ROBO1: variants seen among roughly 807,000 people sequenced by gnomAD.
ROBO1 encodes roundabout guidance receptor 1.
ROBO1 carries 149 observed loss-of-function variants against 195.9 expected under a neutral mutation model. The observed-to-expected ratio is 0.76, with a 90% CI of 0.67 to 0.87. The LOEUF (loss-of-function observed/expected upper bound fraction) is 0.87. ROBO1 is among the 40% of genes least tolerant of loss of function. ROBO1 has a pLI of 0.00. For missense variants in ROBO1, 1,933 were observed against 2,068.3 expected (o/e 0.93, Z 1.27); for synonymous variants, 816 against 733.2 (o/e 1.11, Z -1.82).
intron 28 of ROBO1, among the ~76,000 whole-genome samples, chr3:78,611,456 C>A (rs1703804387): frequency 6.6e-6 from 1 of 152,156 alleles, no homozygotes; most frequent in African/African-American, 2.4e-5. Flanking sequence ...ATTCATATAT[C>A]CTAATCCTAC....
At chr3:79,185,745 G>T (rs2081426480) in intron 2 of ROBO1, among the ~76,000 whole-genome samples, 1 of 151,994 alleles carries the variant, frequency 6.6e-6, no homozygotes, top group Admixed American at 6.6e-5. Context: ...TGGCCTTTTA[G>T]GTTGGCCATC....
At chr3:79,754,666 C>T (rs906461350) in intron 1 of ROBO1, among the ~76,000 whole-genome samples, 5 of 152,126 alleles carry the variant, frequency 3.3e-5, no homozygotes, top group African/African-American at 4.8e-5. Context: ...ATATAAAGTG[C>T]CTGGACCGCA....
chr3:78,857,968 A>C (rs1416290091), intron 4 of ROBO1, among the ~76,000 whole-genome samples: 1 of 152,170 alleles, frequency 6.6e-6, no homozygotes, highest in African/African-American at 2.4e-5. Flanking sequence ...CAAGGTCATC[A>C]CTCTGACAAA....
intron 2 of ROBO1, among the ~76,000 whole-genome samples, chr3:79,163,351 T>TCA (rs1484938665): frequency 6.6e-6 from 1 of 152,160 alleles, no homozygotes; most frequent in Non-Finnish European, 1.5e-5. Flanking sequence ...GCAGCATGTG[T>TCA]CAGAATCCCC....
At chr3:79,643,627 T>C (rs1385615709) in intron 1 of ROBO1, among the ~76,000 whole-genome samples, 1 of 152,184 alleles carries the variant, frequency 6.6e-6, no homozygotes, top group African/African-American at 2.4e-5. Context: ...TTCTTTTCTT[T>C]GTGATCTAAG....
At chr3:79,107,260 G>T (rs145820147) in intron 3 of ROBO1, among the ~76,000 whole-genome samples, 115 of 151,478 alleles carry the variant, frequency 7.6e-4, no homozygotes, top group African/African-American at 2.6e-3. Flanking sequence ...AGAGTGTTCA[G>T]GTAATTTTTA....
intron 2 of ROBO1, among the ~76,000 whole-genome samples, chr3:79,503,180 AGC>A (rs1405776826): frequency 6.6e-6 from 1 of 152,150 alleles, no homozygotes; most frequent in Non-Finnish European, 1.5e-5. Flanking sequence ...TCACTTCTGA[AGC>A]CAGCGAGACT....
At chr3:78,754,401 A>G (rs547200537) in intron 4 of ROBO1, among the ~76,000 whole-genome samples, 5 of 152,324 alleles carry the variant, frequency 3.3e-5, no homozygotes, top group African/African-American at 4.8e-5. Context: ...TTAGGGCAAG[A>G]CAAGCATGCA....
At chr3:79,008,084 T>C (rs1415573231) in intron 3 of ROBO1, among the ~76,000 whole-genome samples, 4 of 152,200 alleles carry the variant, frequency 2.6e-5, no homozygotes, top group South Asian at 4.1e-4. Flanking sequence ...TCAGCACTGT[T>C]TGGGAACCTA....
chr3:78,715,250 A>G (rs576607717), intron 7 of ROBO1: 1 of 152,330 alleles, frequency 6.6e-6, no homozygotes, highest in African/African-American at 2.4e-5. Context: ...CCTAATATTT[A>G]ATGTATTAAA....
chr3:78,955,333 A>T (rs901665019), intron 3 of ROBO1, among the ~76,000 whole-genome samples: 1 of 152,034 alleles, frequency 6.6e-6, no homozygotes, highest in Non-Finnish European at 1.5e-5. Context: ...GGTACCTGAC[A>T]TGTATTTTTT....
At chr3:79,188,496 T>A (rs979140995) in intron 2 of ROBO1, among the ~76,000 whole-genome samples, 2 of 151,808 alleles carry the variant, frequency 1.3e-5, no homozygotes, top group Admixed American at 6.6e-5. Context: ...ACATATACTG[T>A]ACATGTTTGA....
chr3:78,904,498 C>A (rs1022829104), intron 4 of ROBO1, among the ~76,000 whole-genome samples: 1 of 151,876 alleles, frequency 6.6e-6, no homozygotes, highest in Non-Finnish European at 1.5e-5. Flanking sequence ...AATTCCCAAA[C>A]GTCAATATGT....
chr3:78,684,417 T>C (rs149738691), intron 10 of ROBO1, among the ~76,000 whole-genome samples: 50 of 152,268 alleles, frequency 3.3e-4, no homozygotes, highest in African/African-American at 1.2e-3. Context: ...ATGGAAGCCT[T>C]CTATGGTCTT....
rs113133615 is a variant in ROBO1 at position 78,988,474 on chromosome 3, G to C, written c.173-49547C>G. 3.8e-3 allele frequency among the ~76,000 whole-genome samples: 571 copies of C among 152,164 alleles called. 8 individuals are homozygous for C. Among genetic ancestry groups the C allele is most frequent in the African/African-American group, 0.013 (532 of 41,498 alleles). On this transcript the variant is annotated intron_variant, in intron 3 of 30. Transcript: ENST00000464233. The stretch of plus-strand genomic sequence containing the variant: ...TTTTTGTGGTCTAACATTTCCCTTA[G>C]AAGGCACACTACATTACTTTTATCT...
chr3:79,653,300 C>G (rs1946067603), intron 1 of ROBO1, among the ~76,000 whole-genome samples: 1 of 151,754 alleles, frequency 6.6e-6, no homozygotes, highest in South Asian at 2.1e-4. Flanking sequence ...TCAAATATAA[C>G]TCTTGAAAGA....
chr3:79,077,295 A>G (rs916080108), intron 3 of ROBO1, among the ~76,000 whole-genome samples: 2 of 151,922 alleles, frequency 1.3e-5, no homozygotes, highest in African/African-American at 4.8e-5. Flanking sequence ...TCCTAGAACT[A>G]TATGAGGATG....
chr3:79,693,383 TTG>T (rs55667736), intron 1 of ROBO1, among the ~76,000 whole-genome samples: 57,072 of 144,658 alleles, frequency 0.39, 11,413 homozygotes, highest in African/African-American at 0.52. Flanking sequence ...ATATAGAGAT[TTG>T]TGTGTGTGTG....
chr3:79,568,662 G>A (rs541465760), intron 2 of ROBO1, among the ~76,000 whole-genome samples: 6 of 151,512 alleles, frequency 4.0e-5, no homozygotes, highest in African/African-American at 1.2e-4. Flanking sequence ...GTTCTTGGTG[G>A]GGTGCTGGAG....
Sources: gnomAD v4.1 joint callset for allele counts (sites outside exome capture counted in the v4.1 genomes callset) on GRCh38, gnomAD v4.1.1 for gene constraint, MANE v1.5 for transcripts, NCBI Gene and HGNC (gene_info 2026-07-23, HGNC 2026-07-21) for gene names.